Variants in SPPL2A observed in about 807,000 individuals in gnomAD.
SPPL2A encodes signal peptide peptidase-like 2A.
Under a neutral mutation model 63.8 loss-of-function variants are expected in SPPL2A, and 51 were observed. The observed-to-expected ratio is 0.80, with a 90% CI of 0.64 to 1.01. The LOEUF (loss-of-function observed/expected upper bound fraction) is 1.01. Among genes scored for constraint, SPPL2A ranks in the 50% least tolerant of loss-of-function variants. The pLI is 0.00. For missense variants in SPPL2A, 553 were observed against 622.7 expected, an observed-to-expected ratio of 0.89 and a Z score of 1.19; for synonymous variants, 188 against 205.8, an observed-to-expected ratio of 0.91 and a Z score of 0.74.
chr15:50,730,900 G>T, intron 10 of SPPL2A, 65 bp downstream of exon 10: 1 of 709,210 alleles, frequency 1.4e-6, no homozygotes, highest in Non-Finnish European at 2.6e-6. Flanking sequence ...TAATAATCTA[G>T]GAGCAGATTT....
chr15:50,729,600 G>A (rs920944561), intron 10 of SPPL2A, among the ~76,000 whole-genome samples: 3 of 151,920 alleles, frequency 2.0e-5, no homozygotes, highest in African/African-American at 4.8e-5. Context: ...CAGCTTGGGC[G>A]GCAGACCGAG....
At position 50,736,345 on chromosome 15, in the gene SPPL2A, G is replaced by C; in HGVS notation, c.831-143C>G. ...TCTTGATTTTAAGTAAAACAAATGA[G>C]ACGTAATAAAATGTTTATCAGTCCA... On this transcript the variant is annotated intron_variant, in intron 7 of 14. Coordinates refer to ENST00000261854, the MANE Select transcript of SPPL2A (RefSeq NM_032802.4). 4.8e-6 allele frequency: 3 copies of C among 625,682 alleles called. No homozygotes were observed. In the Admixed American group the frequency reaches 8.6e-5, roughly 18 times the overall value. The allele number at this position is 625,682 out of a possible 1,614,324, so 38.8% of individuals were successfully genotyped here.
chr15:50,714,491 C>T (rs1029925640), intron 14 of SPPL2A, among the ~76,000 whole-genome samples: 1 of 152,020 alleles, frequency 6.6e-6, no homozygotes, highest in Non-Finnish European at 1.5e-5. Context: ...ATTAGCTGGG[C>T]ATGGTGGCGC....
In SPPL2A at chr15:50,703,350, ATATATATTTTTTTTTTT is replaced by A. The variant is rs2062489577; in HGVS notation, c.*4433_*4449del. On this transcript the variant is annotated 3_prime_UTR_variant, in exon 15 of 15. Coordinates refer to ENST00000261854, the MANE Select transcript of SPPL2A (RefSeq NM_032802.4). ...CATATATATATATATATATATACATATATATATTTTTTTTTTTTTTTTTTTTTTTTGAGATGGAGTCT... is the reference window on the plus strand; with the variant it reads ...CATATATATATATATATATATACATATTTTTTTTTTTTTGAGATGGAGTCT... 1 of 67,724 alleles carries A rather than the reference ATATATATTTTTTTTTTT, an allele frequency of 1.5e-5. No homozygotes were observed. The highest frequency in any genetic ancestry group is 6.2e-5 in the African/African-American group (1 of 16,112). 4.2% of individuals were successfully genotyped at this position (67,724 alleles called of 1,614,324 possible).
chr15:50,745,548 CTTTT>C (rs34633198), intron 5 of SPPL2A, among the ~76,000 whole-genome samples: 5 of 118,104 alleles, frequency 4.2e-5, no homozygotes. Flanking sequence ...TGCAGCTGGC[CTTTT>C]TTTTTTTTTT....
At chr15:50,738,148 C>T (rs1172675647) in intron 6 of SPPL2A, among the ~76,000 whole-genome samples, 1 of 152,096 alleles carries the variant, frequency 6.6e-6, no homozygotes, top group African/African-American at 2.4e-5. Context: ...TGTGCCACTG[C>T]ACTCCAGCCT....
rs139962654 is a variant in SPPL2A, at chr15:50,758,989, C to T, written c.66+6479G>A. Among the ~76,000 whole-genome samples, 8 of 152,280 alleles carry T rather than the reference C, an allele frequency of 5.3e-5. No homozygotes were observed. The East Asian group carries it at 1.5e-3, about 29-fold the overall frequency. ...ACAGAGGCATGGTTGCAGCTCACTG[C>T]TGCCTTCAACTCCTGGGTGACTCAC... On this transcript the variant is annotated intron_variant, in intron 1 of 14. Coordinates refer to ENST00000261854, the MANE Select transcript of SPPL2A (RefSeq NM_032802.4).
At chr15:50,711,787 CTAAT>C (rs77792849) in intron 14 of SPPL2A, among the ~76,000 whole-genome samples, 4,344 of 152,216 alleles carry the variant, frequency 0.029, 77 homozygotes, top group Middle Eastern at 0.1. Context: ...AACCAAATGA[CTAAT>C]AGTATAAACA....
At chr15:50,744,185 A>C (rs962680548) in intron 5 of SPPL2A, among the ~76,000 whole-genome samples, 8 of 151,944 alleles carry the variant, frequency 5.3e-5, no homozygotes, top group African/African-American at 1.4e-4. Flanking sequence ...TCTCAAAAAA[A>C]AAAAAAAAGA....
At chr15:50,755,758 A>C (rs2062952538) in intron 1 of SPPL2A, among the ~76,000 whole-genome samples, 1 of 151,890 alleles carries the variant, frequency 6.6e-6, no homozygotes. Flanking sequence ...AGATTCTGAC[A>C]TCAGTTAAAG....
intron 12 of SPPL2A, 84 bp downstream of exon 12, chr15:50,725,137 G>A: frequency 1.2e-6 from 1 of 839,642 alleles, no homozygotes; most frequent in East Asian, 2.5e-5. Flanking sequence ...TACAGAGTAG[G>A]TAACTTTTAA....
intron 14 of SPPL2A, among the ~76,000 whole-genome samples, chr15:50,717,133 T>C (rs947362465): frequency 4.6e-5 from 7 of 152,176 alleles, no homozygotes; most frequent in African/African-American, 9.7e-5. Flanking sequence ...TCTTTCCATC[T>C]CACTATTTTG....
chr15:50,723,384 T>C (rs1596380479), intron 12 of SPPL2A, among the ~76,000 whole-genome samples: 1 of 152,182 alleles, frequency 6.6e-6, no homozygotes, highest in East Asian at 1.9e-4. Flanking sequence ...TTATTCGCAA[T>C]AGCCAAGATA....
intron 1 of SPPL2A, among the ~76,000 whole-genome samples, chr15:50,762,242 C>T (rs2063018433): frequency 6.6e-6 from 1 of 151,772 alleles, no homozygotes; most frequent in Non-Finnish European, 1.5e-5. Flanking sequence ...GTGGCAGGCA[C>T]CTGTAATCCC....
intron 5 of SPPL2A, among the ~76,000 whole-genome samples, chr15:50,740,373 C>T (rs570357488): frequency 3.1e-4 from 45 of 146,024 alleles, no homozygotes; most frequent in Non-Finnish European, 4.8e-4. Flanking sequence ...GTTGTGGTGA[C>T]CTGAGATCGT....
At chr15:50,737,374 C>T (rs1481024717) in intron 6 of SPPL2A, among the ~76,000 whole-genome samples, 1 of 152,162 alleles carries the variant, frequency 6.6e-6, no homozygotes, top group Non-Finnish European at 1.5e-5. Flanking sequence ...AATAAAATCA[C>T]CTGTTTGATG....
intron 10 of SPPL2A, 144 bp from the exon 11 acceptor site, chr15:50,726,521 G>A: frequency 1.4e-6 from 1 of 720,864 alleles, no homozygotes; most frequent in Non-Finnish European, 2.3e-6. Flanking sequence ...TAAAGTCTTT[G>A]TAGATTGCAA....
intron 13 of SPPL2A, among the ~76,000 whole-genome samples, chr15:50,720,488 T>C (rs1317206075): frequency 6.6e-6 from 1 of 151,986 alleles, no homozygotes; most frequent in Non-Finnish European, 1.5e-5. Flanking sequence ...TCCTAAGCTT[T>C]GTTAATAAGC....
At chr15:50,718,529 T>G (rs912904045) in intron 14 of SPPL2A, among the ~76,000 whole-genome samples, 3 of 152,198 alleles carry the variant, frequency 2.0e-5, no homozygotes, top group African/African-American at 4.8e-5. Flanking sequence ...AGTGTCATCT[T>G]CAATAGAAAA....
Sources: gnomAD v4.1 joint callset for allele counts (sites outside exome capture counted in the v4.1 genomes callset) on GRCh38, gnomAD v4.1.1 for gene constraint, MANE v1.5 for transcripts, NCBI Gene and HGNC (gene_info 2026-07-23, HGNC 2026-07-21) for gene names.